The following ATXN1 variants were observed in gnomAD, a reference collection of about 807,000 sequenced individuals.
ATXN1 encodes the protein ataxin 1.
Under a neutral mutation model 56.4 loss-of-function variants are expected in ATXN1, and 8 were observed. The ratio of observed to expected loss-of-function variants is 0.14; its 90% CI spans 0.08 to 0.26. ATXN1 has a LOEUF of 0.26. Among genes scored for constraint, ATXN1 ranks in the 10% least tolerant of loss-of-function variants. The pLI, the probability that ATXN1 is intolerant of heterozygous loss-of-function variation, is 1.00. For synonymous variants in ATXN1, 514 were observed against 494.6 expected, an observed-to-expected ratio of 1.04 and a Z score of -0.52; for missense variants, 987 against 1,106.5, an observed-to-expected ratio of 0.89 and a Z score of 1.53.
chr6:16,714,188 CACACA>C (rs531983348), intron 2 of ATXN1, among the ~76,000 whole-genome samples: 10,024 of 124,010 alleles, frequency 0.081, 601 homozygotes, highest in African/African-American at 0.18. Context: ...ACACCACACA[CACACA>C]CACACACACA....
chr6:16,551,522 G>A (rs1249551709), intron 4 of ATXN1, among the ~76,000 whole-genome samples: 17 of 152,288 alleles, frequency 1.1e-4, no homozygotes, highest in African/African-American at 3.9e-4. Flanking sequence ...AGAAGTGGGA[G>A]AGGAGGAAAG....
In ATXN1 at chr6:16,330,072, T is replaced by C. The variant is rs559026649; in HGVS notation, c.-160-1602A>G. 2.1e-3 allele frequency among the ~76,000 whole-genome samples: 217 copies of C among 103,294 alleles called. 1 individual carries two copies. Among genetic ancestry groups the C allele is most frequent in the African/African-American group, 0.015 (195 of 12,864 alleles). The allele number at this position is 103,294 out of a possible 152,430, so 67.8% of individuals were successfully genotyped here. On this transcript the variant is annotated intron_variant, in intron 6 of 7. Coordinates refer to ENST00000436367, the MANE Select transcript of ATXN1 (RefSeq NM_001128164.2). ...GACCCTCTTTTCAATGATCTGATTT[T>C]CTTTCTTTCTTTCTTTCTTTCTTTG... is the stretch of plus-strand genomic sequence containing the variant.
At chr6:16,308,787 A>T (rs1036515498) in intron 7 of ATXN1, among the ~76,000 whole-genome samples, 10 of 152,248 alleles carry the variant, frequency 6.6e-5, no homozygotes, top group African/African-American at 1.2e-4. Flanking sequence ...TATAAGCACT[A>T]GCAAAATATC....
At chr6:16,698,650 T>TAAAAAAA (rs11311429) in intron 2 of ATXN1, among the ~76,000 whole-genome samples, 1 of 135,350 alleles carries the variant, frequency 7.4e-6, no homozygotes, top group Non-Finnish European at 1.6e-5. Context: ...CCTCAAAAAT[T>TAAAAAAA]AAAAAAAAAA....
chr6:16,636,865 T>C (rs889859278), intron 3 of ATXN1, among the ~76,000 whole-genome samples: 3 of 152,032 alleles, frequency 2.0e-5, no homozygotes, highest in African/African-American at 7.2e-5. Flanking sequence ...AGGAAGAAAG[T>C]GGAGAAATAG....
chr6:16,416,757 A>C (rs1287427087), intron 6 of ATXN1, among the ~76,000 whole-genome samples: 1 of 152,112 alleles, frequency 6.6e-6, no homozygotes, highest in Non-Finnish European at 1.5e-5. Flanking sequence ...CATGGTTCCT[A>C]TCTCTTCCTC....
chr6:16,617,275 C>G (rs769270577), intron 3 of ATXN1, among the ~76,000 whole-genome samples: 2 of 152,024 alleles, frequency 1.3e-5, no homozygotes, highest in Non-Finnish European at 2.9e-5. Flanking sequence ...TCAAAAATTA[C>G]AAGAGTTCAG....
intron 6 of ATXN1, among the ~76,000 whole-genome samples, chr6:16,372,390 T>C (rs1209087482): frequency 3.9e-5 from 6 of 152,254 alleles, no homozygotes; most frequent in African/African-American, 1.2e-4. Flanking sequence ...ACAGGTAGAA[T>C]TGGTGGGTGA....
At chr6:16,746,910 C>G (rs1019645066) in intron 2 of ATXN1, among the ~76,000 whole-genome samples, 1 of 152,058 alleles carries the variant, frequency 6.6e-6, no homozygotes, top group African/African-American at 2.4e-5. Flanking sequence ...CCCGAGAGAT[C>G]ATTTCTTTCA....
chr6:16,415,749 T>G (rs961616526), intron 6 of ATXN1, among the ~76,000 whole-genome samples: 6 of 152,214 alleles, frequency 3.9e-5, no homozygotes, highest in Non-Finnish European at 8.8e-5. Context: ...CAAAGTAAAC[T>G]GAGTGCCACT....
At chr6:16,483,134 TC>T (rs1453685367) in intron 6 of ATXN1, among the ~76,000 whole-genome samples, 1 of 149,828 alleles carries the variant, frequency 6.7e-6, no homozygotes, top group Non-Finnish European at 1.5e-5. Flanking sequence ...AGATCCCCCC[TC>T]CCCCCAGCCC....
chr6:16,336,591 G>A (rs970857104), intron 6 of ATXN1, among the ~76,000 whole-genome samples: 6 of 152,174 alleles, frequency 3.9e-5, no homozygotes, highest in East Asian at 1.9e-4. Context: ...CAGGTCGGAC[G>A]TGAGGAACTG....
At chr6:16,562,891 G>A (rs1235328393) in intron 4 of ATXN1, among the ~76,000 whole-genome samples, 2 of 151,822 alleles carry the variant, frequency 1.3e-5, no homozygotes, top group Non-Finnish European at 2.9e-5. Flanking sequence ...CTGAAGAGAA[G>A]GTTTTGGTTA....
intron 2 of ATXN1, among the ~76,000 whole-genome samples, chr6:16,748,343 T>A (rs1279157423): frequency 6.6e-6 from 1 of 152,148 alleles, no homozygotes; most frequent in Admixed American, 6.5e-5. Context: ...GTGTTACCTG[T>A]GTCATGGCTC....
chr6:16,464,980 C>T (rs9350006), intron 6 of ATXN1, among the ~76,000 whole-genome samples: 1 of 151,914 alleles, frequency 6.6e-6, no homozygotes, highest in Admixed American at 6.6e-5. Flanking sequence ...TGTCAGGGGT[C>T]GGGGAGGCTA....
chr6:16,346,629 G>A (rs1761396742), intron 6 of ATXN1, among the ~76,000 whole-genome samples: 1 of 152,220 alleles, frequency 6.6e-6, no homozygotes, highest in Non-Finnish European at 1.5e-5. Context: ...CGTGACTTTA[G>A]GAAAGTCTTT....
At chr6:16,350,441 C>T (rs1054363521) in intron 6 of ATXN1, among the ~76,000 whole-genome samples, 17 of 152,288 alleles carry the variant, frequency 1.1e-4, no homozygotes, top group Middle Eastern at 3.4e-3. Flanking sequence ...GCATGCACTC[C>T]GGTTCCATAT....
chr6:16,357,522 G>A (rs752654709), intron 6 of ATXN1, among the ~76,000 whole-genome samples: 47 of 152,130 alleles, frequency 3.1e-4, no homozygotes, highest in Non-Finnish European at 5.1e-4. Flanking sequence ...CACCCACATC[G>A]GCCTCCCAAA....
At position 16,300,955 on chromosome 6, in the gene ATXN1, A is replaced by C. The variant is rs1006604113; in HGVS notation, c.*5374T>G. 6.6e-6 allele frequency: 1 copy of C among 152,656 alleles called. No homozygotes were observed. Among genetic ancestry groups the C allele is most frequent in the East Asian group, 1.9e-4 (1 of 5,200 alleles). The allele number at this position is 152,656 out of a possible 1,614,324, so 9.5% of individuals were successfully genotyped here. A position where few individuals can be genotyped will look rare whatever the true frequency, so the allele number is the denominator to read the frequency against. On this transcript the variant is annotated 3_prime_UTR_variant, in exon 8 of 8. Transcript: ENST00000436367. ...GAGGGCTATATGTAACAAAAATAAC[A>C]ATAAGCATAGGTATAGTTTAAGAGC...
Sources: allele counts gnomAD v4.1 joint callset (sites outside exome capture counted in the v4.1 genomes callset), GRCh38; gene constraint gnomAD v4.1.1; transcripts MANE v1.5; gene names NCBI Gene and HGNC (gene_info 2026-07-23, HGNC 2026-07-21).